The following NELL2 variants were observed in gnomAD, a reference collection of about 807,000 sequenced individuals.
NELL2 encodes neural EGFL like 2, also known as protein kinase C-binding protein NELL2.
Under a neutral mutation model 109.6 loss-of-function variants are expected in NELL2, and 41 were observed. That is an observed-to-expected ratio of 0.37 (90% CI 0.29 to 0.49). The LOEUF (loss-of-function observed/expected upper bound fraction) is 0.49, where lower values mean the gene tolerates loss of function less well. Ranked by LOEUF, NELL2 falls within the 20% of genes least tolerant of loss-of-function variation. NELL2 has a pLI of 0.98. For synonymous variants in NELL2, 355 were observed against 344.7 expected, an observed-to-expected ratio of 1.03 and a Z score of -0.33; for missense variants, 900 against 1,008.3, an observed-to-expected ratio of 0.89 and a Z score of 1.45.
At chr12:44,813,334 C>T (rs763681277) in intron 3 of NELL2, among the ~76,000 whole-genome samples, 1 of 152,150 alleles carries the variant, frequency 6.6e-6, no homozygotes, top group African/African-American at 2.4e-5. Context: ...TTATTTTCCA[C>T]ATCATAGAAT....
At chr12:44,533,646 A>G (rs1214191131) in intron 15 of NELL2, among the ~76,000 whole-genome samples, 1 of 152,140 alleles carries the variant, frequency 6.6e-6, no homozygotes, top group Non-Finnish European at 1.5e-5. Context: ...CTAAATATTG[A>G]AAGCCCTTGA....
At chr12:44,833,486 T>G (rs768926886) in intron 2 of NELL2, among the ~76,000 whole-genome samples, 1 of 152,218 alleles carries the variant, frequency 6.6e-6, no homozygotes, top group African/African-American at 2.4e-5. Flanking sequence ...TCAGAAAGAC[T>G]GATTTTAATC....
chr12:44,520,351 T>A (rs1326363288), intron 18 of NELL2, 122 bp from the exon 19 acceptor site: 1 of 732,710 alleles, frequency 1.4e-6, no homozygotes, highest in East Asian at 2.8e-5. Context: ...ATATTTAAAC[T>A]TAGATCTACA....
intron 9 of NELL2, 74 bp from the exon 10 acceptor site, chr12:44,714,815 A>G: frequency 1.1e-6 from 1 of 872,990 alleles, no homozygotes; most frequent in Non-Finnish European, 1.7e-6. Context: ...TCATCTTGTA[A>G]CAGCATTCCA....
At chr12:44,595,734 C>A (rs1944936839) in intron 15 of NELL2, among the ~76,000 whole-genome samples, 3 of 152,020 alleles carry the variant, frequency 2.0e-5, no homozygotes. Context: ...AGCCACCACG[C>A]CTGGCCCCTT....
chr12:44,655,370 C>T (rs577669113), intron 13 of NELL2, among the ~76,000 whole-genome samples: 9 of 152,282 alleles, frequency 5.9e-5, no homozygotes, highest in South Asian at 2.1e-4. Context: ...AAAGCCACTA[C>T]GTTGAAGCTG....
intron 15 of NELL2, among the ~76,000 whole-genome samples, chr12:44,563,645 A>G (rs570235385): frequency 1.3e-5 from 2 of 152,322 alleles, no homozygotes; most frequent in South Asian, 4.1e-4. Flanking sequence ...TATGTTGAAC[A>G]TAACTCAATC....
At chr12:44,785,659 T>C (rs1300624229) in intron 3 of NELL2, among the ~76,000 whole-genome samples, 3 of 152,176 alleles carry the variant, frequency 2.0e-5, no homozygotes, top group African/African-American at 4.8e-5. Flanking sequence ...CAAAACAGCA[T>C]GGTACTGGTA....
chr12:44,526,029 TGA>T (rs1941755083), intron 16 of NELL2, among the ~76,000 whole-genome samples: 1 of 152,036 alleles, frequency 6.6e-6, no homozygotes, highest in Non-Finnish European at 1.5e-5. Context: ...GAATGTTCAG[TGA>T]GAGAGCAGAG....
At chr12:44,767,002 C>T (rs1566345900) in intron 9 of NELL2, among the ~76,000 whole-genome samples, 1 of 152,082 alleles carries the variant, frequency 6.6e-6, no homozygotes, top group Non-Finnish European at 1.5e-5. Context: ...AAGCTGAGTA[C>T]TGTCTATTAT....
chr12:44,669,072 A>C (rs192187375), intron 12 of NELL2, among the ~76,000 whole-genome samples: 327 of 152,344 alleles, frequency 2.1e-3, no homozygotes, highest in Non-Finnish European at 3.5e-3. Context: ...CCAGCAAAGC[A>C]TCACCAAAGC....
intron 15 of NELL2, among the ~76,000 whole-genome samples, chr12:44,604,791 G>C (rs1945337878): frequency 1.3e-5 from 2 of 152,156 alleles, no homozygotes; most frequent in Non-Finnish European, 2.9e-5. Flanking sequence ...TTTTTCTTCA[G>C]TCTGGAGTGA....
At chr12:44,585,977 A>G (rs1292714773) in intron 15 of NELL2, among the ~76,000 whole-genome samples, 1 of 151,164 alleles carries the variant, frequency 6.6e-6, no homozygotes, top group Non-Finnish European at 1.5e-5. Context: ...TTATGTACCC[A>G]TGCAAAATTC....
intron 9 of NELL2, among the ~76,000 whole-genome samples, chr12:44,760,828 G>A (rs1941092543): frequency 1.3e-5 from 2 of 152,044 alleles, no homozygotes; most frequent in Non-Finnish European, 2.9e-5. Context: ...ATAAAAAGAG[G>A]ACAGGGCCTT....
intron 13 of NELL2, among the ~76,000 whole-genome samples, chr12:44,614,099 T>C (rs1456620838): frequency 6.6e-6 from 1 of 152,026 alleles, no homozygotes; most frequent in Non-Finnish European, 1.5e-5. Flanking sequence ...GACATTCAGG[T>C]CTGATGTTTG....
chr12:44,632,363 T>C (rs1373218675), intron 13 of NELL2, among the ~76,000 whole-genome samples: 1 of 151,614 alleles, frequency 6.6e-6, no homozygotes, highest in Non-Finnish European at 1.5e-5. Flanking sequence ...TTAGAAAAAA[T>C]AAAAATAAAT....
chr12:44,713,964 G>T (rs1201162822), intron 10 of NELL2, among the ~76,000 whole-genome samples: 1 of 151,754 alleles, frequency 6.6e-6, no homozygotes, highest in African/African-American at 2.4e-5. Flanking sequence ...CCCTAAAGCA[G>T]AAATTTTATA....
chr12:44,876,371 G>C, upstream of NELL2: 1 of 1,229,472 alleles, frequency 8.1e-7, no homozygotes, highest in Non-Finnish European at 1.0e-6. Context: ...GGGAGGGGCG[G>C]GCCGGGGGAG....
chr12:44,529,178 T>C (rs775252617), intron 16 of NELL2, among the ~76,000 whole-genome samples: 6 of 152,080 alleles, frequency 3.9e-5, no homozygotes, highest in Non-Finnish European at 7.4e-5. Flanking sequence ...AAGGTAGTAA[T>C]GGCTTAGATT....
Sources: gnomAD v4.1 joint callset for allele counts (sites outside exome capture counted in the v4.1 genomes callset) on GRCh38, gnomAD v4.1.1 for gene constraint, MANE v1.5 for transcripts, NCBI Gene and HGNC (gene_info 2026-07-23, HGNC 2026-07-21) for gene names.